PMFBP1: variants seen among roughly 807,000 people sequenced by gnomAD.
PMFBP1 encodes the protein polyamine-modulated factor 1-binding protein 1.
PMFBP1 carries 131 observed loss-of-function variants against 137.8 expected under a neutral mutation model. That is an observed-to-expected ratio of 0.95 (90% CI 0.82 to 1.10). The LOEUF (loss-of-function observed/expected upper bound fraction) is 1.10. Among genes scored for constraint, PMFBP1 ranks in the 50% least tolerant of loss-of-function variants. The pLI, the probability that PMFBP1 is intolerant of heterozygous loss-of-function variation, is 0.00. For missense variants in PMFBP1, 1,199 were observed against 1,175.4 expected, an observed-to-expected ratio of 1.02 and a Z score of -0.29; for synonymous variants, 490 against 450.4, an observed-to-expected ratio of 1.09 and a Z score of -1.11.
At chr16:72,187,349 T>G in the PMFBP1 span, among the ~76,000 whole-genome samples, 1 of 152,186 alleles carries the variant, frequency 6.6e-6, no homozygotes, top group African/African-American at 2.4e-5. Flanking sequence ...GGGTTAAAGC[T>G]GTCTGGGGTA....
the PMFBP1 span, among the ~76,000 whole-genome samples, chr16:72,190,978 T>A: frequency 6.6e-6 from 1 of 152,158 alleles, no homozygotes. Context: ...ATTTTTATTG[T>A]GAATATTATG....
intron 5 of PMFBP1, among the ~76,000 whole-genome samples, chr16:72,145,294 C>G (rs186105411): frequency 6.6e-6 from 1 of 152,088 alleles, no homozygotes; most frequent in East Asian, 1.9e-4. Context: ...GGGTAAGTAA[C>G]GAAATGAAGG....
the PMFBP1 span, among the ~76,000 whole-genome samples, chr16:72,235,234 T>C: frequency 6.6e-6 from 1 of 152,152 alleles, no homozygotes; most frequent in Non-Finnish European, 1.5e-5. Context: ...CTTTTGCACA[T>C]GAATATCCAG....
the PMFBP1 span, among the ~76,000 whole-genome samples, chr16:72,200,131 C>T: frequency 6.6e-6 from 1 of 152,204 alleles, no homozygotes; most frequent in African/African-American, 2.4e-5. Flanking sequence ...GGGGCCTTTG[C>T]CAAACAGGCT....
At chr16:72,196,834 T>G in the PMFBP1 span, among the ~76,000 whole-genome samples, 1 of 152,206 alleles carries the variant, frequency 6.6e-6, no homozygotes, top group East Asian at 1.9e-4. Flanking sequence ...CAATGCCTTA[T>G]AGAGAGACAT....
chr16:72,210,974 T>G, the PMFBP1 span, among the ~76,000 whole-genome samples: 1 of 152,178 alleles, frequency 6.6e-6, no homozygotes, highest in East Asian at 1.9e-4. Context: ...CCCTGCCAAG[T>G]GGATTCTTTG....
chr16:72,156,063 T>C (rs578027441), intron 3 of PMFBP1, among the ~76,000 whole-genome samples: 1 of 152,300 alleles, frequency 6.6e-6, no homozygotes, highest in East Asian at 1.9e-4. Flanking sequence ...CTTGGCTCGC[T>C]GCAACCTCCA....
At chr16:72,123,488 G>T in intron 18 of PMFBP1, 58 bp downstream of exon 18, 1 of 1,479,740 alleles carries the variant, frequency 6.8e-7, no homozygotes, top group Non-Finnish European at 9.4e-7. Context: ...GCACGCATGT[G>T]GCTCCTCGGC....
intron 2 of PMFBP1, among the ~76,000 whole-genome samples, chr16:72,170,651 T>TA (rs1370834430): frequency 2.0e-5 from 3 of 152,174 alleles, no homozygotes; most frequent in Non-Finnish European, 4.4e-5. Context: ...AGGCTGGTCT[T>TA]AAACTCTTGG....
chr16:72,212,001 A>T, the PMFBP1 span, among the ~76,000 whole-genome samples: 1 of 152,138 alleles, frequency 6.6e-6, no homozygotes, highest in Non-Finnish European at 1.5e-5. Flanking sequence ...TGTATCAAAA[A>T]ATTTTTTTTT....
At chr16:72,249,798 G>T in the PMFBP1 span, among the ~76,000 whole-genome samples, 10 of 150,864 alleles carry the variant, frequency 6.6e-5, no homozygotes, top group African/African-American at 2.4e-4. Context: ...GCGGGCACCT[G>T]TAGTCCCAGT....
In PMFBP1 at chr16:72,154,296, G is replaced by A. The variant is rs2042949588; in HGVS notation, c.329C>T (p.Ser110Phe). The A allele has an allele frequency of 6.2e-7, 1 of 1,614,004 alleles. No individual in the cohort carries two copies. The highest frequency in any genetic ancestry group is 8.5e-7 in the Non-Finnish European group (1 of 1,180,014). Residue 110 changes from serine (S) to phenylalanine (F), a missense_variant, in exon 4 of 21, where the codon TCT (serine) becomes TTT (phenylalanine). By Grantham distance (155) the Ser-to-Phe change is radical (BLOSUM62 -2). Transcript: ENST00000237353. ...TAGGATGGACTGATACTGGCGGAGAGAATAGTAAGAAGTCTGCAACTCCTC... is the reference window on the plus strand; with the variant it reads ...TAGGATGGACTGATACTGGCGGAGAAAATAGTAAGAAGTCTGCAACTCCTC... ...HTEELQTSYY[S>F]LRQYQSILEK...
the PMFBP1 span, among the ~76,000 whole-genome samples, chr16:72,233,337 A>G: frequency 6.6e-6 from 1 of 152,162 alleles, no homozygotes; most frequent in South Asian, 2.1e-4. Flanking sequence ...AAGGCAAATA[A>G]TAATGGATGA....
the PMFBP1 span, among the ~76,000 whole-genome samples, chr16:72,228,910 A>T: frequency 2.6e-5 from 4 of 151,380 alleles, no homozygotes; most frequent in Non-Finnish European, 5.9e-5. Context: ...TTACATGAGT[A>T]AACTGGGTGG....
chr16:72,247,647 G>A, the PMFBP1 span, among the ~76,000 whole-genome samples: 1 of 152,162 alleles, frequency 6.6e-6, no homozygotes, highest in East Asian at 1.9e-4. Context: ...CAGGATCCAA[G>A]GGTATGTTAA....
the PMFBP1 span, among the ~76,000 whole-genome samples, chr16:72,188,953 G>A: frequency 1.4e-4 from 22 of 152,322 alleles, 1 homozygote; most frequent in South Asian, 2.3e-3. Flanking sequence ...CCAAGGGAGC[G>A]CAGAGTGCCC....
intron 7 of PMFBP1, among the ~76,000 whole-genome samples, 158 bp downstream of exon 7, chr16:72,139,131 A>G (rs1187577657): frequency 6.6e-6 from 1 of 152,200 alleles, no homozygotes; most frequent in Non-Finnish European, 1.5e-5. Flanking sequence ...TTTGGCATAC[A>G]TTATACACAG....
intron 5 of PMFBP1, among the ~76,000 whole-genome samples, chr16:72,141,812 C>T (rs1473965363): frequency 2.0e-5 from 3 of 151,950 alleles, no homozygotes; most frequent in African/African-American, 7.3e-5. Flanking sequence ...ACTCCCAGAT[C>T]ATATTTAAAA....
the PMFBP1 span, among the ~76,000 whole-genome samples, chr16:72,230,943 G>C: frequency 6.6e-6 from 1 of 152,126 alleles, no homozygotes; most frequent in Non-Finnish European, 1.5e-5. Context: ...TCTTCAAATC[G>C]TGTTCTTTAA....
Sources: allele counts gnomAD v4.1 joint callset (sites outside exome capture counted in the v4.1 genomes callset), GRCh38; gene constraint gnomAD v4.1.1; transcripts MANE v1.5; gene names NCBI Gene and HGNC (gene_info 2026-07-23, HGNC 2026-07-21).